PTPRJ: variants seen among roughly 807,000 people sequenced by gnomAD.
PTPRJ encodes the protein receptor-type tyrosine-protein phosphatase eta.
PTPRJ carries 129 observed loss-of-function variants against 141.3 expected under a neutral mutation model. That is an observed-to-expected ratio of 0.91 (90% CI 0.79 to 1.06). The LOEUF is 1.06. Ranked by LOEUF, PTPRJ falls within the 50% of genes least tolerant of loss-of-function variation. The pLI is 0.00. For synonymous variants in PTPRJ, 610 were observed against 640.5 expected (o/e 0.95, Z 0.72); for missense variants, 1,601 against 1,679.7 (o/e 0.95, Z 0.82).
chr11:48,022,716 G>T (rs1853686586), intron 1 of PTPRJ, among the ~76,000 whole-genome samples: 1 of 151,996 alleles, frequency 6.6e-6, no homozygotes, highest in Non-Finnish European at 1.5e-5. Context: ...AGAGGCTTCT[G>T]GACCTCCATC....
Position 48,123,708 on chromosome 11 carries a change from G to A in PTPRJ, c.712G>A (p.Val238Ile). ...SNGNGTASCR[V>I]LLESIGSHEE... ...TGGCAATGGCACTGCCTCCTGCCGG[G>A]TTCTTCTTGAAAGCATTGGAAGCCA... Residue 238 changes from valine (V) to isoleucine (I), a missense_variant, in exon 5 of 25, where the codon GTT becomes ATT. Val to Ile is a conservative substitution (Grantham distance 29). Transcript: ENST00000418331. 6.2e-7 allele frequency: 1 copy of A among 1,614,156 alleles called. No homozygotes were observed. Among genetic ancestry groups the A allele is most frequent in the African/African-American group, 1.3e-5 (1 of 75,030 alleles).
chr11:48,070,533 T>C (rs938042257), intron 1 of PTPRJ, among the ~76,000 whole-genome samples: 9 of 150,744 alleles, frequency 6.0e-5, no homozygotes, highest in African/African-American at 2.2e-4. Context: ...ACACAGGAAT[T>C]GGGTTGGGAC....
At position 47,998,533 on chromosome 11, in the gene PTPRJ, G is replaced by A. The variant is rs149186536; in HGVS notation, c.96+17525G>A. On this transcript the variant is annotated intron_variant, in intron 1 of 24. Transcript: ENST00000418331. ...AGGTATGTGGCTCTCCTGTAATCTCGCTTCTATTGCTTTGTGATCAGCAGC... is the reference window on the plus strand; with the variant it reads ...AGGTATGTGGCTCTCCTGTAATCTCACTTCTATTGCTTTGTGATCAGCAGC... Among the ~76,000 whole-genome samples, 338 of 152,242 alleles carry A rather than the reference G, an allele frequency of 2.2e-3. 1 individual carries two copies. The highest frequency in any genetic ancestry group is 7.8e-3 in the African/African-American group (326 of 41,538).
intron 1 of PTPRJ, among the ~76,000 whole-genome samples, chr11:48,078,298 TC>T (rs1855463465): frequency 6.6e-6 from 1 of 152,068 alleles, no homozygotes; most frequent in Admixed American, 6.6e-5. Flanking sequence ...CCTCAGGTGA[TC>T]CACCCACCAT....
chr11:48,042,860 A>G (rs541692363), intron 1 of PTPRJ, among the ~76,000 whole-genome samples: 1 of 152,142 alleles, frequency 6.6e-6, no homozygotes, highest in Admixed American at 6.6e-5. Flanking sequence ...ATGATTGATT[A>G]GGAAGCTGTT....
intron 4 of PTPRJ, 89 bp from the exon 5 acceptor site, chr11:48,123,524 C>T: frequency 2.2e-6 from 3 of 1,385,988 alleles, no homozygotes; most frequent in Non-Finnish European, 2.9e-6. Flanking sequence ...TCTTTTAAAA[C>T]CCGCTCCCAG....
rs1205276290 is a variant in PTPRJ at position 48,167,273 on chromosome 11, C to T, written c.3925C>T (p.Leu1309Phe). The T allele has an allele frequency of 6.2e-7, 1 of 1,612,092 alleles. No homozygotes were observed. Among genetic ancestry groups the T allele is most frequent in the Non-Finnish European group, 8.5e-7 (1 of 1,178,328 alleles). ...VRSQKDSKVD[L>F]IYQNTTAMTI... ...ATCCCAGAAAGACTCAAAAGTAGAT[C>T]TTATCTACCAGAACACAACTGCAAT... Residue 1309 changes from leucine to phenylalanine, a missense_variant, in exon 25 of 25, where the codon CTT becomes TTT. By Grantham distance (22) the Leu-to-Phe change is conservative. Coordinates refer to ENST00000418331, the MANE Select transcript of PTPRJ (RefSeq NM_002843.4).
At chr11:48,040,612 C>T (rs113850087) in intron 1 of PTPRJ, among the ~76,000 whole-genome samples, 7,052 of 135,040 alleles carry the variant, frequency 0.052, 741 homozygotes, top group African/African-American at 0.19. Flanking sequence ...TCTTCTTCTT[C>T]TTTTTTTTTT....
chr11:48,124,414 C>T (rs947457501), intron 5 of PTPRJ, among the ~76,000 whole-genome samples: 18 of 152,204 alleles, frequency 1.2e-4, no homozygotes, highest in Non-Finnish European at 2.1e-4. Context: ...TGTGGATTTT[C>T]CTGCTAGCGG....
At chr11:48,006,549 A>G (rs540920111) in intron 1 of PTPRJ, among the ~76,000 whole-genome samples, 2 of 151,528 alleles carry the variant, frequency 1.3e-5, no homozygotes, top group South Asian at 2.1e-4. Context: ...TTCCTAGTAC[A>G]TATTTGGACC....
intron 21 of PTPRJ, 105 bp downstream of exon 21, chr11:48,156,224 C>T (rs1403651686): frequency 1.3e-5 from 12 of 957,122 alleles, no homozygotes; most frequent in Non-Finnish European, 1.7e-5. Flanking sequence ...AAAACTCAAA[C>T]ATTAGCACTT....
rs376731004 is a variant in PTPRJ at position 48,139,723 on chromosome 11, C to T, written c.2390C>T (p.Ser797Phe). Residue 797 changes from serine to phenylalanine, a missense_variant, in exon 11 of 25, where the codon TCC (serine) becomes TTC (phenylalanine). Transcript: ENST00000418331. ...TSYNISITTV[S>F]CGKMAAPTRN... ...TACAACATCAGCATCACCACTGTGT[C>T]CTGTGGAAAGATGGCAGCCCCCACC... 1.9e-6 allele frequency: 3 copies of T among 1,614,026 alleles called. No individual in the cohort carries two copies. In the African/African-American group the frequency reaches 4.0e-5, roughly 22 times the overall value.
intron 15 of PTPRJ, among the ~76,000 whole-genome samples, chr11:48,148,682 G>A (rs1391591149): frequency 1.3e-5 from 2 of 152,066 alleles, no homozygotes; most frequent in Admixed American, 6.6e-5. Context: ...TGATCCACCC[G>A]CCTCGGCCTC....
intron 24 of PTPRJ, among the ~76,000 whole-genome samples, chr11:48,166,395 C>A (rs1857918196): frequency 6.6e-6 from 1 of 151,682 alleles, no homozygotes. Flanking sequence ...CTCACTGAAA[C>A]CTCAACCTCC....
chr11:47,986,107 A>G (rs1854044981), intron 1 of PTPRJ, among the ~76,000 whole-genome samples: 1 of 152,196 alleles, frequency 6.6e-6, no homozygotes, highest in African/African-American at 2.4e-5. Flanking sequence ...CTGCAGGGAC[A>G]TGCTACCTTT....
chr11:48,090,577 G>T, intron 1 of PTPRJ, among the ~76,000 whole-genome samples: 1 of 152,214 alleles, frequency 6.6e-6, no homozygotes. Context: ...GGGCTTCGCA[G>T]GCTGTTTTCT....
intron 3 of PTPRJ, among the ~76,000 whole-genome samples, chr11:48,117,354 A>C (rs1856593374): frequency 6.6e-6 from 1 of 151,946 alleles, no homozygotes; most frequent in African/African-American, 2.4e-5. Context: ...CAGCCTGGCC[A>C]ACATGGTGAA....
chr11:48,021,462 A>G (rs117296223), intron 1 of PTPRJ, among the ~76,000 whole-genome samples: 2,037 of 152,068 alleles, frequency 0.013, 27 homozygotes, highest in South Asian at 0.053. Context: ...TAAGGTTTAT[A>G]CGCAGGCCAT....
In PTPRJ at chr11:48,158,229, CATTCTT is replaced by C. The variant is rs1452278569; in HGVS notation, c.3439-1698_3439-1693del. On this transcript the variant is annotated intron_variant, in intron 21 of 24. Transcript: ENST00000418331. This position sits in a 1 kb window ranked among gnomAD's most constrained non-coding sequence, Gnocchi z 4.4. ...TGAGCCCAGGGCCTTATACATGAAA[CATTCTT>C]ATAAATCTATCTGTTAGACAAACAA... Among the ~76,000 whole-genome samples, 2 of 152,152 alleles carry C rather than the reference CATTCTT, an allele frequency of 1.3e-5. No homozygotes were observed. Among genetic ancestry groups the C allele is most frequent in the Admixed American group, 1.3e-4 (2 of 15,278 alleles).
Sources: gnomAD v4.1 joint callset for allele counts (sites outside exome capture counted in the v4.1 genomes callset) on GRCh38, gnomAD v4.1.1 for gene constraint, Gnocchi (gnomAD v3.1) non-coding constraint, MANE v1.5 for transcripts, NCBI Gene and HGNC (gene_info 2026-07-23, HGNC 2026-07-21) for gene names.